RANBP3: variants seen among roughly 807,000 people sequenced by gnomAD.
The protein encoded by RANBP3 is RAN binding protein 3.
RANBP3 carries 14 observed loss-of-function variants against 77.3 expected under a neutral mutation model. The observed-to-expected ratio is 0.18, with a 90% CI of 0.12 to 0.28. RANBP3 has a LOEUF of 0.28. Among genes scored for constraint, RANBP3 ranks in the 10% least tolerant of loss-of-function variants. The pLI, the probability that RANBP3 is intolerant of heterozygous loss-of-function variation, is 1.00. For missense variants in RANBP3, 586 were observed against 752.3 expected (o/e 0.78, Z 2.59); for synonymous variants, 315 against 312.4 (o/e 1.01, Z -0.09).
At chr19:5,946,832 C>T (rs2058211109) in intron 3 of RANBP3, among the ~76,000 whole-genome samples, 1 of 152,220 alleles carries the variant, frequency 6.6e-6, no homozygotes, top group Admixed American at 6.5e-5. Context: ...CCAATGCCAG[C>T]TCCACATTTT....
At position 5,921,411 on chromosome 19, in the gene RANBP3, C is replaced by G; in HGVS notation, c.1210-90G>C. ...AGAGTCGCCCTTTAGCCTGTGGGGA[C>G]TGCCAGGGCCAGCCAACGACGGCCT... On this transcript the variant is annotated intron_variant, in intron 13 of 16. Coordinates refer to ENST00000340578, the MANE Select transcript of RANBP3 (RefSeq NM_007322.3). The surrounding 1 kb of genome is among the most constrained non-coding windows in gnomAD (Gnocchi z 5.3). 1 of 1,533,340 alleles carries G rather than the reference C, an allele frequency of 6.5e-7. No homozygotes were observed. The highest frequency in any genetic ancestry group is 1.2e-5 in the South Asian group (1 of 81,144). The allele number at this position is 1,533,340 out of a possible 1,614,324, so 95.0% of individuals were successfully genotyped here. A position where few individuals can be genotyped will look rare whatever the true frequency, so the allele number is the denominator to read the frequency against.
At chr19:5,925,886 T>C in intron 9 of RANBP3, 149 bp from the exon 10 acceptor site, 1 of 599,856 alleles carries the variant, frequency 1.7e-6, no homozygotes, top group Middle Eastern at 3.6e-4. Flanking sequence ...CGCGTGCATG[T>C]GCTGGGGGGC....
At chr19:5,956,952 T>A (rs1463092955) in intron 2 of RANBP3, among the ~76,000 whole-genome samples, 1 of 152,190 alleles carries the variant, frequency 6.6e-6, no homozygotes, top group Admixed American at 6.5e-5. Context: ...TCTAAAATGT[T>A]GCAGCGGGTA....
chr19:5,957,636 C>G (rs1485968614), intron 2 of RANBP3, among the ~76,000 whole-genome samples: 1 of 150,236 alleles, frequency 6.7e-6, no homozygotes, highest in Non-Finnish European at 1.5e-5. Context: ...ATTTCTCAAA[C>G]AAATCATCAG....
At chr19:5,962,039 T>G (rs890608050) in intron 1 of RANBP3, among the ~76,000 whole-genome samples, 1 of 151,916 alleles carries the variant, frequency 6.6e-6, no homozygotes, top group Non-Finnish European at 1.5e-5. Context: ...CCTGCTGCAC[T>G]CCCTCCCGAG....
Position 5,931,457 on chromosome 19 carries a change from T to C in RANBP3, c.640A>G (p.Thr214Ala). The change falls in exon 8 of 17, where the codon ACT becomes GCT. Residue 214 changes from threonine to alanine, a missense_variant. Transcript: ENST00000340578. The part of the protein sequence containing the change: ...TGAVPAASPD[T>A]AAWRSPSEAA... ...TCGGAAGGACTTCTCCATGCAGCAG[T>C]GTCAGGGGATGCTGCGGGCACTGCC... 1 of 1,612,876 alleles carries C rather than the reference T, an allele frequency of 6.2e-7. No individual in the cohort carries two copies. Among genetic ancestry groups the C allele is most frequent in the East Asian group, 2.2e-5 (1 of 44,856 alleles).
rs758222933 is a variant in RANBP3 at position 5,925,669 on chromosome 19, G to A, written c.882C>T (p.Thr294=). Residue 294 remains threonine, a synonymous_variant, in exon 10 of 17, where the codon ACC becomes ACT. Coordinates refer to ENST00000340578, the MANE Select transcript of RANBP3 (RefSeq NM_007322.3). The stretch of plus-strand genomic sequence containing the variant: ...TATACTGGAGGAAATAGTTCGTTGC[G>A]GTTGGCGTGTCTGCGCTGGGGTGTC... The part of the protein sequence containing the change: ...NAGHPSADTP[T]ATNYFLQYIS... 3.1e-6 allele frequency: 5 copies of A among 1,614,042 alleles called. No individual in the cohort carries two copies. Among genetic ancestry groups the A allele is most frequent in the Non-Finnish European group, 2.5e-6 (3 of 1,180,010 alleles).
rs546241583 is a variant in RANBP3, at chr19:5,926,866, G to A, written c.813+1102C>T. 1.1e-4 allele frequency among the ~76,000 whole-genome samples: 16 copies of A among 152,296 alleles called. No homozygotes were observed. The South Asian group carries it at 3.3e-3, about 32-fold the overall frequency. On this transcript the variant is annotated intron_variant, in intron 9 of 16. Transcript: ENST00000340578. Reference sequence around the variant, plus strand: ...GACTTGGGCTTCTGTTGGACGGTGAGTAACAGAAAGGAAAGCAGAAAACAC... The same window carrying A: ...GACTTGGGCTTCTGTTGGACGGTGAATAACAGAAAGGAAAGCAGAAAACAC...
intron 2 of RANBP3, among the ~76,000 whole-genome samples, 192 bp from the exon 3 acceptor site, chr19:5,951,788 G>A (rs2058280249): frequency 6.6e-6 from 1 of 152,300 alleles, no homozygotes; most frequent in African/African-American, 2.4e-5. Flanking sequence ...CTGACGGAAG[G>A]GAAGTGAGAG....
At chr19:5,919,328 T>A (rs1454307955) in intron 14 of RANBP3, among the ~76,000 whole-genome samples, 1 of 152,044 alleles carries the variant, frequency 6.6e-6, no homozygotes, top group Admixed American at 6.6e-5. Context: ...GCCAGCCGCC[T>A]CTCCCCACTG....
chr19:5,967,832 G>A (rs1237359456), intron 1 of RANBP3, among the ~76,000 whole-genome samples: 1 of 152,114 alleles, frequency 6.6e-6, no homozygotes, highest in East Asian at 1.9e-4. Context: ...ACCAGCCTGG[G>A]CAACATGGTG....
At chr19:5,942,023 C>T (rs2058144394) in intron 3 of RANBP3, among the ~76,000 whole-genome samples, 188 bp from the exon 4 acceptor site, 2 of 152,320 alleles carry the variant, frequency 1.3e-5, no homozygotes, top group South Asian at 2.1e-4. Context: ...CTGCACCCAG[C>T]TTCACAAACA....
At chr19:5,923,121 G>A (rs944435770) in intron 13 of RANBP3, 73 bp downstream of exon 13, 5 of 1,220,328 alleles carry the variant, frequency 4.1e-6, no homozygotes, top group Non-Finnish European at 4.8e-6. Context: ...AGAGGATGTG[G>A]GCCCAGCCCT....
rs561772577 is a variant in RANBP3 at position 5,957,413 on chromosome 19, T to A, written c.78+505A>T. On this transcript the variant is annotated intron_variant, in intron 2 of 16. Coordinates refer to ENST00000340578, the MANE Select transcript of RANBP3 (RefSeq NM_007322.3). ...CAGCCTCATGGACACGGGATAAATA[T>A]ATAATGCAAACAAATGAACAATTAC... 2.5e-3 allele frequency among the ~76,000 whole-genome samples: 376 copies of A among 152,232 alleles called. 2 individuals carry two copies. The highest frequency in any genetic ancestry group is 8.7e-3 in the African/African-American group (360 of 41,524).
At chr19:5,942,985 C>T (rs1421616016) in intron 3 of RANBP3, among the ~76,000 whole-genome samples, 5 of 152,126 alleles carry the variant, frequency 3.3e-5, no homozygotes, top group South Asian at 4.1e-4. Flanking sequence ...TATGACCATG[C>T]CACTGCACCC....
intron 3 of RANBP3, among the ~76,000 whole-genome samples, chr19:5,946,714 T>C (rs1281435875): frequency 1.3e-5 from 2 of 152,280 alleles, no homozygotes; most frequent in East Asian, 3.9e-4. Context: ...GGGCCTCTCC[T>C]CTCAGGAGAC....
At chr19:5,919,631 G>A (rs2057791289) in intron 14 of RANBP3, among the ~76,000 whole-genome samples, 1 of 152,310 alleles carries the variant, frequency 6.6e-6, no homozygotes, top group South Asian at 2.1e-4. Context: ...GGGCACAGTG[G>A]CTCAAGCCTG....
chr19:5,975,558 G>A (rs2058580243), intron 1 of RANBP3, among the ~76,000 whole-genome samples: 1 of 150,818 alleles, frequency 6.6e-6, no homozygotes, highest in Non-Finnish European at 1.5e-5. Context: ...CTCTGTGCCA[G>A]GCACCGTTCT....
chr19:5,972,458 C>T (rs2058541812), intron 1 of RANBP3, among the ~76,000 whole-genome samples: 1 of 152,158 alleles, frequency 6.6e-6, no homozygotes, highest in South Asian at 2.1e-4. Context: ...AACACCGCTC[C>T]ACCAGGACCC....
Sources: gnomAD v4.1 joint callset for allele counts (sites outside exome capture counted in the v4.1 genomes callset) on GRCh38, gnomAD v4.1.1 for gene constraint, Gnocchi (gnomAD v3.1) non-coding constraint, MANE v1.5 for transcripts, NCBI Gene and HGNC (gene_info 2026-07-23, HGNC 2026-07-21) for gene names.